Variants in DYSF observed in about 807,000 individuals in gnomAD.
DYSF encodes the protein dysferlin, also known as dystrophy-associated fer-1-like 1.
A neutral mutation model predicts 274.9 loss-of-function variants in DYSF; 212 were observed. The observed-to-expected ratio is 0.77, with a 90% CI of 0.69 to 0.86. The LOEUF (loss-of-function observed/expected upper bound fraction) is 0.86. Ranked by LOEUF, DYSF falls within the 40% of genes least tolerant of loss-of-function variation. DYSF has a pLI of 0.00. For missense variants in DYSF, 2,666 were observed against 2,783.2 expected (o/e 0.96, Z 0.95); for synonymous variants, 1,091 against 1,078.7 (o/e 1.01, Z -0.22).
chr2:71,567,963 A>G lies in DYSF; in HGVS notation c.2578A>G (p.Lys860Glu). The change falls in exon 25 of 56, where the codon AAG (lysine) becomes GAG (glutamate). Residue 860 changes from lysine to glutamate, a missense_variant. Coordinates refer to ENST00000410020, the MANE Select transcript of DYSF (RefSeq NM_001130987.2). Reference protein sequence around the residue: ...QTIFLKYPMEKVPGARMPVQI... With the variant: ...QTIFLKYPMEEVPGARMPVQI... ...CTCTGGTACCCAGTATCCGATGGAG[A>G]AGGTGCCTGGCGCCCGGATGCCAGT... 6.2e-7 allele frequency: 1 copy of G among 1,613,966 alleles called. No individual in the cohort carries two copies. Among genetic ancestry groups the G allele is most frequent in the African/African-American group, 1.3e-5 (1 of 74,964 alleles).
intron 14 of DYSF, among the ~76,000 whole-genome samples, chr2:71,528,803 T>C (rs2088292174): frequency 6.6e-6 from 1 of 152,218 alleles, no homozygotes; most frequent in African/African-American, 2.4e-5. Context: ...TGGGGGTAGT[T>C]GGGCAGAGAA....
In DYSF at chr2:71,608,817, C is replaced by T. The variant is rs142399591; in HGVS notation, c.3958-2428C>T. ...TTTGGGGGCCTAGAGAGGAAATATTCTGGGAGGAATGTATTCATGAGTTTT... is the reference window on the plus strand; with the variant it reads ...TTTGGGGGCCTAGAGAGGAAATATTTTGGGAGGAATGTATTCATGAGTTTT... On this transcript the variant is annotated intron_variant, in intron 36 of 55. Coordinates refer to ENST00000410020, the MANE Select transcript of DYSF (RefSeq NM_001130987.2). Among the ~76,000 whole-genome samples, 829 of 152,268 alleles carry T rather than the reference C, an allele frequency of 5.4e-3. 6 individuals are homozygous for T. The highest frequency in any genetic ancestry group is 8.6e-3 in the Non-Finnish European group (583 of 68,026).
chr2:71,625,016 T>G (rs954073619), intron 41 of DYSF, among the ~76,000 whole-genome samples: 1 of 152,194 alleles, frequency 6.6e-6, no homozygotes, highest in African/African-American at 2.4e-5. Context: ...ATTCTTAATT[T>G]TATGTATTTA....
chr2:71,535,270 TC>T lies in DYSF; in HGVS notation c.1455del (p.Ser486ProfsTer6). On this transcript the variant is annotated frameshift_variant, in exon 16 of 56. Coordinates refer to ENST00000410020, the MANE Select transcript of DYSF (RefSeq NM_001130987.2). LOFTEE classifies it high-confidence loss of function. ...NQNITLPAMF[P>X]SMCEKMRIRI... is the part of the protein sequence containing the mutation. ...ACACGCCTCTATTCCTTCCTCAGTT[TC>T]CCTCCATGTGCGAAAAAATGAGGAT... 1 of 1,614,024 alleles carries T rather than the reference TC, an allele frequency of 6.2e-7. No individual in the cohort carries two copies. Among genetic ancestry groups the T allele is most frequent in the Non-Finnish European group, 8.5e-7 (1 of 1,179,958 alleles).
At chr2:71,507,896 C>A (rs1270136246) in intron 4 of DYSF, among the ~76,000 whole-genome samples, 1 of 152,244 alleles carries the variant, frequency 6.6e-6, no homozygotes, top group East Asian at 1.9e-4. Context: ...CTCAAGTGAT[C>A]CTCTCGCCTC....
At chr2:71,496,269 G>T (rs1228504530) in intron 3 of DYSF, among the ~76,000 whole-genome samples, 1 of 152,168 alleles carries the variant, frequency 6.6e-6, no homozygotes, top group Non-Finnish European at 1.5e-5. Context: ...AAGGTGGGTG[G>T]ACCCCTTGAG....
At chr2:71,523,252 T>C (rs2087498928) in intron 12 of DYSF, among the ~76,000 whole-genome samples, 1 of 152,190 alleles carries the variant, frequency 6.6e-6, no homozygotes, top group Non-Finnish European at 1.5e-5. Flanking sequence ...TAAAGGACAA[T>C]GGAGGCCACA....
At chr2:71,570,142 G>C in intron 27 of DYSF, 87 bp from the exon 28 acceptor site, 1 of 1,262,994 alleles carries the variant, frequency 7.9e-7, no homozygotes, top group Non-Finnish European at 1.2e-6. Context: ...CTTGGAGGAC[G>C]TATGTTGTCA....
At chr2:71,671,678 CAG>C (rs2095124467) in intron 51 of DYSF, among the ~76,000 whole-genome samples, 1 of 152,156 alleles carries the variant, frequency 6.6e-6, no homozygotes, top group Admixed American at 6.5e-5. Context: ...GGGAGGGACA[CAG>C]AGAGATGGGG....
At chr2:71,624,902 C>A (rs1469080189) in intron 41 of DYSF, among the ~76,000 whole-genome samples, 3 of 152,068 alleles carry the variant, frequency 2.0e-5, no homozygotes, top group Non-Finnish European at 4.4e-5. Flanking sequence ...CTTCTTCAAT[C>A]AATTTGGTAG....
Position 71,574,221 on chromosome 2 carries a change from C to T in DYSF, c.3252C>T (p.Gly1084=), listed in dbSNP as rs757469563. The change falls in exon 30 of 56, where the codon GGC becomes GGT. Residue 1084 remains glycine, a synonymous_variant. Coordinates refer to ENST00000410020, the MANE Select transcript of DYSF (RefSeq NM_001130987.2). ...AGCACAGGCAGGCGGAGGCGGAGGG[C>T]GAGGGCTGGGAGTACGCCTCTCTTT... The part of the protein sequence containing the change: ...LKRHRQAEAE[G]EGWEYASLFG... 2.4e-5 allele frequency: 39 copies of T among 1,596,110 alleles called. No individual in the cohort carries two copies. In the East Asian group the frequency reaches 2.9e-4, roughly 12 times the overall value.
chr2:71,644,354 C>T (rs754266200), intron 42 of DYSF, among the ~76,000 whole-genome samples: 6 of 152,168 alleles, frequency 3.9e-5, no homozygotes, highest in Admixed American at 2.0e-4. Context: ...GCCCCCTACC[C>T]CTTCCCAAGA....
chr2:71,597,830 C>A (rs189299564), intron 32 of DYSF, among the ~76,000 whole-genome samples: 11 of 152,344 alleles, frequency 7.2e-5, no homozygotes, highest in Admixed American at 4.6e-4. Context: ...TAGCACCCCA[C>A]ACCCATCTAA....
intron 30 of DYSF, among the ~76,000 whole-genome samples, chr2:71,585,975 A>G (rs562503576): frequency 4.6e-5 from 7 of 151,636 alleles, no homozygotes; most frequent in Non-Finnish European, 1.0e-4. Context: ...GGGGCAAGAA[A>G]GGAGACCTCA....
chr2:71,544,862 G>A (rs1338903371), intron 17 of DYSF, among the ~76,000 whole-genome samples: 7 of 152,190 alleles, frequency 4.6e-5, no homozygotes, highest in African/African-American at 1.7e-4. Context: ...TCTTTTAGGA[G>A]ATGCTTATTG....
chr2:71,531,519 G>T (rs1181527255), intron 14 of DYSF, among the ~76,000 whole-genome samples: 1 of 151,672 alleles, frequency 6.6e-6, no homozygotes, highest in East Asian at 2.0e-4. Flanking sequence ...ATGATCAAAG[G>T]ACATGTATTT....
intron 42 of DYSF, among the ~76,000 whole-genome samples, chr2:71,646,450 TG>T (rs1382469534): frequency 5.9e-5 from 9 of 152,188 alleles, no homozygotes; most frequent in African/African-American, 2.2e-4. Context: ...AAACTATTTC[TG>T]GGGGGAAAAC....
rs374732312 is a variant in DYSF at position 71,539,290 on chromosome 2, C to T, written c.1576+51C>T. 4.2e-5 allele frequency: 63 copies of T among 1,483,786 alleles called. 1 individual carries two copies. The highest frequency in any genetic ancestry group is 2.2e-4 in the Admixed American group (13 of 59,730). 91.9% of individuals were successfully genotyped at this position (1,483,786 alleles called of 1,614,324 possible). Reference sequence around the variant, plus strand: ...TTGACCCCCTGTGCTCTCCCCCGTACCCCCTCTATCCAGCTTACACTTCTA... The same window carrying T: ...TTGACCCCCTGTGCTCTCCCCCGTATCCCCTCTATCCAGCTTACACTTCTA... On this transcript the variant is annotated intron_variant, in intron 17 of 55. Transcript: ENST00000410020.
intron 29 of DYSF, among the ~76,000 whole-genome samples, chr2:71,572,877 C>T (rs2092569947): frequency 1.3e-5 from 2 of 152,188 alleles, no homozygotes; most frequent in South Asian, 2.1e-4. Context: ...GGGTGGGCCC[C>T]GTTGGCATTC....
Sources: allele counts gnomAD v4.1 joint callset (sites outside exome capture counted in the v4.1 genomes callset), GRCh38; gene constraint gnomAD v4.1.1; transcripts MANE v1.5; gene names NCBI Gene and HGNC (gene_info 2026-07-23, HGNC 2026-07-21).